KCNMA1: variants seen among roughly 807,000 people sequenced by gnomAD.
The protein encoded by KCNMA1 is Calcium-activated potassium channel subunit alpha-1.
In KCNMA1, 29 loss-of-function variants were observed where a neutral mutation model predicts 140.0. The ratio of observed to expected loss-of-function variants is 0.21; its 90% CI spans 0.15 to 0.28. The LOEUF (loss-of-function observed/expected upper bound fraction) is 0.28. Among genes scored for constraint, KCNMA1 ranks in the 10% least tolerant of loss-of-function variants. KCNMA1 has a pLI of 1.00. For synonymous variants in KCNMA1, 612 were observed against 611.9 expected (o/e 1.00, Z 0.00); for missense variants, 880 against 1,602.2 (o/e 0.55, Z 7.70).
At chr10:77,479,296 G>A (rs562726020) in intron 1 of KCNMA1, among the ~76,000 whole-genome samples, 9 of 152,190 alleles carry the variant, frequency 5.9e-5, no homozygotes, top group Non-Finnish European at 1.3e-4. Context: ...ATGAAGGCAG[G>A]CATTAGCTCT....
chr10:77,189,403 TA>T (rs2098918599), intron 3 of KCNMA1, among the ~76,000 whole-genome samples: 1 of 151,946 alleles, frequency 6.6e-6, no homozygotes, highest in South Asian at 2.1e-4. Flanking sequence ...GTGAAAAAAT[TA>T]AAAAGATACA....
At chr10:77,161,351 G>T (rs71475639) in intron 5 of KCNMA1, among the ~76,000 whole-genome samples, 15,990 of 152,008 alleles carry the variant, frequency 0.11, 1,030 homozygotes, top group Middle Eastern at 0.18. Flanking sequence ...TGCCTCAAGC[G>T]ATCCTCCTGC....
chr10:77,278,786 C>T (rs575865457), intron 2 of KCNMA1, among the ~76,000 whole-genome samples: 8 of 152,174 alleles, frequency 5.3e-5, no homozygotes, highest in South Asian at 2.1e-4. Flanking sequence ...GTCATTAAAG[C>T]GTCACAGCTA....
chr10:76,937,647 G>C (rs1188739028), intron 23 of KCNMA1, among the ~76,000 whole-genome samples: 1 of 152,174 alleles, frequency 6.6e-6, no homozygotes, highest in Non-Finnish European at 1.5e-5. Context: ...AAAGATAAAA[G>C]AGAAATCACA....
intron 3 of KCNMA1, among the ~76,000 whole-genome samples, chr10:77,224,264 C>T (rs537949435): frequency 8.5e-5 from 13 of 152,354 alleles, no homozygotes; most frequent in African/African-American, 2.9e-4. Context: ...TAGCCCCAGA[C>T]TGGGAGAGGA....
chr10:77,119,092 C>T (rs765434210), intron 6 of KCNMA1, among the ~76,000 whole-genome samples: 4 of 152,216 alleles, frequency 2.6e-5, no homozygotes, highest in Admixed American at 6.5e-5. Flanking sequence ...TTCTCTCCCT[C>T]GTCCCCTGGC....
At chr10:77,541,560 G>A (rs1329161525) in intron 1 of KCNMA1, among the ~76,000 whole-genome samples, 1 of 152,092 alleles carries the variant, frequency 6.6e-6, no homozygotes, top group African/African-American at 2.4e-5. Flanking sequence ...GCCCATTCTT[G>A]AAACTACGTG....
intron 1 of KCNMA1, among the ~76,000 whole-genome samples, chr10:77,516,927 C>G (rs1040104351): frequency 3.4e-5 from 5 of 148,326 alleles, no homozygotes; most frequent in African/African-American, 1.3e-4. Flanking sequence ...CACTGGGGAA[C>G]AGGTGTCTGT....
chr10:77,470,671 C>T (rs944750733), intron 1 of KCNMA1, among the ~76,000 whole-genome samples: 3 of 152,172 alleles, frequency 2.0e-5, no homozygotes, highest in East Asian at 1.9e-4. Context: ...TCATACTGAA[C>T]GAGTAATTTA....
At chr10:76,946,333 C>T (rs1056278854) in intron 22 of KCNMA1, among the ~76,000 whole-genome samples, 1 of 152,164 alleles carries the variant, frequency 6.6e-6, no homozygotes, top group African/African-American at 2.4e-5. Flanking sequence ...TCCTCTTTGC[C>T]TGTGTGGTGA....
rs114753009 is a variant in KCNMA1, at chr10:77,542,355, G to C, written c.378+94910C>G. On this transcript the variant is annotated intron_variant, in intron 1 of 27. Coordinates refer to ENST00000286628, the MANE Select transcript of KCNMA1 (RefSeq NM_001161352.2). ...CATAGTGAGAGGATGCCATGCCTGA[G>C]AATATGACAGAATCCCTGTGCTAAC... Among the ~76,000 whole-genome samples, 250 of 152,312 alleles carry C rather than the reference G, an allele frequency of 1.6e-3. 1 individual carries two copies. Among genetic ancestry groups the C allele is most frequent in the African/African-American group, 5.8e-3 (242 of 41,554 alleles).
chr10:77,057,554 T>C (rs887470170), intron 14 of KCNMA1, among the ~76,000 whole-genome samples: 2 of 152,092 alleles, frequency 1.3e-5, no homozygotes, highest in Non-Finnish European at 1.5e-5. Context: ...TAACATTGTC[T>C]GATATAGTTT....
intron 1 of KCNMA1, among the ~76,000 whole-genome samples, chr10:77,503,862 G>A (rs547567080): frequency 2.0e-5 from 3 of 152,318 alleles, no homozygotes; most frequent in Non-Finnish European, 2.9e-5. Context: ...TAGCAACAAG[G>A]TATCAAGTGC....
intron 1 of KCNMA1, among the ~76,000 whole-genome samples, chr10:77,475,962 A>C (rs895815424): frequency 6.6e-6 from 1 of 152,114 alleles, no homozygotes. Context: ...TTGACTTCAA[A>C]ATCTTCCTCT....
chr10:77,046,053 T>C (rs2095035875), intron 14 of KCNMA1, among the ~76,000 whole-genome samples: 1 of 152,134 alleles, frequency 6.6e-6, no homozygotes, highest in Non-Finnish European at 1.5e-5. Context: ...ATAGCTGCAA[T>C]AAGAAGAGAT....
chr10:77,532,750 A>G (rs1246362974), intron 1 of KCNMA1, among the ~76,000 whole-genome samples: 1 of 151,746 alleles, frequency 6.6e-6, no homozygotes, highest in African/African-American at 2.4e-5. Flanking sequence ...GCAAGACATA[A>G]AGAAGCAAAT....
intron 1 of KCNMA1, among the ~76,000 whole-genome samples, chr10:77,567,898 C>G (rs563970226): frequency 7.7e-4 from 118 of 152,290 alleles, no homozygotes; most frequent in African/African-American, 2.1e-3. Context: ...CCAACACTAG[C>G]CTGGCCAACA....
chr10:77,583,595 G>A (rs567404305), intron 1 of KCNMA1, among the ~76,000 whole-genome samples: 3 of 152,352 alleles, frequency 2.0e-5, no homozygotes, highest in Admixed American at 2.0e-4. Context: ...ATCCTTGAGG[G>A]AAACTGACTC....
intron 1 of KCNMA1, among the ~76,000 whole-genome samples, chr10:77,510,250 T>A (rs531605438): frequency 2.1e-4 from 31 of 150,474 alleles, no homozygotes; most frequent in African/African-American, 6.6e-4. Flanking sequence ...GTTTGTAGGG[T>A]CTTGCACTCC....
Sources: gnomAD v4.1 joint callset for allele counts (sites outside exome capture counted in the v4.1 genomes callset) on GRCh38, gnomAD v4.1.1 for gene constraint, MANE v1.5 for transcripts, NCBI Gene and HGNC (gene_info 2026-07-23, HGNC 2026-07-21) for gene names.